MAGI3: variants seen among roughly 807,000 people sequenced by gnomAD.
MAGI3 encodes the protein membrane-associated guanylate kinase, WW and PDZ domain-containing protein 3.
A neutral mutation model predicts 121.8 loss-of-function variants in MAGI3; 43 were observed. That is an observed-to-expected ratio of 0.35 (90% CI 0.28 to 0.46). The LOEUF (loss-of-function observed/expected upper bound fraction) is 0.46. MAGI3 is among the 20% of genes least tolerant of loss of function. The pLI, the probability that MAGI3 is intolerant of heterozygous loss-of-function variation, is 1.00. For synonymous variants in MAGI3, 553 were observed against 639.3 expected (o/e 0.86, Z 2.04); for missense variants, 1,547 against 1,797.3 (o/e 0.86, Z 2.52).
chr1:113,535,630 T>C (rs771983224), intron 1 of MAGI3, among the ~76,000 whole-genome samples: 11 of 152,204 alleles, frequency 7.2e-5, no homozygotes, highest in Non-Finnish European at 1.6e-4. Flanking sequence ...TGCAAGTATA[T>C]GTTAATAGAT....
chr1:113,447,627 G>A (rs1434829131), intron 1 of MAGI3, among the ~76,000 whole-genome samples: 1 of 152,212 alleles, frequency 6.6e-6, no homozygotes, highest in Non-Finnish European at 1.5e-5. Flanking sequence ...GCTGAGGCAG[G>A]TGGATCACCT....
chr1:113,577,289 C>T (rs1459772771), intron 2 of MAGI3, among the ~76,000 whole-genome samples: 5 of 152,170 alleles, frequency 3.3e-5, no homozygotes, highest in African/African-American at 1.2e-4. Flanking sequence ...AAGACTTGGC[C>T]ATTGAGTTCA....
intron 2 of MAGI3, among the ~76,000 whole-genome samples, chr1:113,579,320 G>A (rs1647862846): frequency 6.6e-6 from 1 of 152,192 alleles, no homozygotes; most frequent in African/African-American, 2.4e-5. Context: ...GGGAAAGGGA[G>A]TAGGAAGTCC....
At chr1:113,464,713 C>T (rs1655190282) in intron 1 of MAGI3, among the ~76,000 whole-genome samples, 1 of 152,102 alleles carries the variant, frequency 6.6e-6, no homozygotes, top group Non-Finnish European at 1.5e-5. Context: ...GATGGTATCT[C>T]ATTGTGGTTT....
chr1:113,604,194 A>T (rs925923856), intron 6 of MAGI3, among the ~76,000 whole-genome samples: 1 of 152,222 alleles, frequency 6.6e-6, no homozygotes, highest in African/African-American at 2.4e-5. Context: ...TATGTCTATC[A>T]TAGCATAATT....
chr1:113,444,165 G>A (rs1407268862), intron 1 of MAGI3, among the ~76,000 whole-genome samples: 1 of 152,272 alleles, frequency 6.6e-6, no homozygotes, highest in Non-Finnish European at 1.5e-5. Context: ...GCAGGCAGTT[G>A]TGCCAACAGG....
rs1158145870 is a variant in MAGI3, at chr1:113,599,187, AAAGCTAGCAG to A, written c.1018+4631_1018+4640del. On this transcript the variant is annotated intron_variant, in intron 6 of 20. Transcript: ENST00000307546. ...AGAAAAGCAAGAGCAAACACATTCAAAAGCTAGCAGAAGGCAAGAAATAACTAAATTCAGA... is the reference window on the plus strand; with the variant it reads ...AGAAAAGCAAGAGCAAACACATTCAAAAGGCAAGAAATAACTAAATTCAGA... 3.9e-5 allele frequency among the ~76,000 whole-genome samples: 6 copies of A among 152,308 alleles called. No individual in the cohort carries two copies. In the East Asian group the frequency reaches 1.2e-3, roughly 29 times the overall value.
chr1:113,537,891 G>A (rs1442660662), intron 1 of MAGI3, among the ~76,000 whole-genome samples: 1 of 152,152 alleles, frequency 6.6e-6, no homozygotes, highest in Non-Finnish European at 1.5e-5. Flanking sequence ...ATTGATTAAA[G>A]AGAGATTAGA....
At chr1:113,467,299 A>G (rs1655335062) in intron 1 of MAGI3, among the ~76,000 whole-genome samples, 1 of 152,158 alleles carries the variant, frequency 6.6e-6, no homozygotes, top group Admixed American at 6.6e-5. Flanking sequence ...CATTGTGGTC[A>G]GAAAAGATAC....
At chr1:113,418,074 T>G (rs1362982570) in intron 1 of MAGI3, among the ~76,000 whole-genome samples, 1 of 151,894 alleles carries the variant, frequency 6.6e-6, no homozygotes, top group Non-Finnish European at 1.5e-5. Context: ...GGTTTCAGTC[T>G]TTTGTTTTTG....
intron 1 of MAGI3, among the ~76,000 whole-genome samples, chr1:113,462,657 CAT>C (rs1197537740): frequency 6.6e-6 from 1 of 152,088 alleles, no homozygotes; most frequent in Non-Finnish European, 1.5e-5. Context: ...CCCCTTGACA[CAT>C]GTTTACCTAT....
rs952519462 is a variant in MAGI3, at chr1:113,591,361, G to A, written c.938+703G>A. 2.0e-5 allele frequency among the ~76,000 whole-genome samples: 3 copies of A among 152,186 alleles called. No homozygotes were observed. In the East Asian group the frequency reaches 5.8e-4, roughly 29 times the overall value. The stretch of plus-strand genomic sequence containing the variant: ...TCATCGTAAAGTAATTTGCCCAAAG[G>A]TAGAATATTAATGTAGTAAAGTTAC... On this transcript the variant is annotated intron_variant, in intron 5 of 20. Coordinates refer to ENST00000307546, the MANE Select transcript of MAGI3 (RefSeq NM_001142782.2).
chr1:113,547,431 G>A (rs1324001195), intron 1 of MAGI3, among the ~76,000 whole-genome samples: 2 of 151,840 alleles, frequency 1.3e-5, no homozygotes, highest in Non-Finnish European at 2.9e-5. Flanking sequence ...TTTAGATGTC[G>A]GAGCCTACAT....
At chr1:113,399,875 A>G (rs1483295306) in intron 1 of MAGI3, among the ~76,000 whole-genome samples, 8 of 152,170 alleles carry the variant, frequency 5.3e-5, no homozygotes, top group Admixed American at 5.2e-4. Flanking sequence ...TAAACGAATT[A>G]CTTTCCAAGG....
Position 113,391,072 on chromosome 1 carries a change from C to T in MAGI3, c.39C>T (p.Ser13=). 6.3e-7 allele frequency: 1 copy of T among 1,591,476 alleles called. No individual in the cohort carries two copies. The change falls in exon 1 of 21, where the codon AGC becomes AGT. Residue 13 remains serine (S), a synonymous_variant. Coordinates refer to ENST00000307546, the MANE Select transcript of MAGI3 (RefSeq NM_001142782.2). This position sits in a 1 kb window ranked among gnomAD's most constrained non-coding sequence, Gnocchi z 4.4. The part of the protein sequence containing the change: ...KTLKKKKHWL[S]KVQECAVSWA... The stretch of plus-strand genomic sequence containing the variant: ...TGAAGAAGAAGAAGCACTGGCTCAG[C>T]AAGGTGCAGGAGTGCGCCGTGTCCT...
At chr1:113,583,197 C>G (rs1182529968) in intron 3 of MAGI3, among the ~76,000 whole-genome samples, 1 of 151,522 alleles carries the variant, frequency 6.6e-6, no homozygotes, top group African/African-American at 2.4e-5. Context: ...GCACAACATG[C>G]AGGTTTGTTA....
intron 1 of MAGI3, among the ~76,000 whole-genome samples, chr1:113,415,514 T>C (rs1570639674): frequency 6.6e-6 from 1 of 152,080 alleles, no homozygotes; most frequent in East Asian, 1.9e-4. Flanking sequence ...GATCTTCCTT[T>C]GCCTCTCTTT....
At chr1:113,505,062 GAGA>G (rs1428915834) in intron 1 of MAGI3, among the ~76,000 whole-genome samples, 5 of 152,094 alleles carry the variant, frequency 3.3e-5, no homozygotes, top group Non-Finnish European at 7.4e-5. Flanking sequence ...TGTAGCAAAA[GAGA>G]AGAATTCATA....
At chr1:113,672,342 A>G (rs1222031736) in intron 17 of MAGI3, among the ~76,000 whole-genome samples, 2 of 152,172 alleles carry the variant, frequency 1.3e-5, no homozygotes, top group African/African-American at 4.8e-5. Context: ...CCTCTGGTGT[A>G]GTTATTTGAT....
Sources: allele counts gnomAD v4.1 joint callset (sites outside exome capture counted in the v4.1 genomes callset), GRCh38; gene constraint gnomAD v4.1.1; non-coding constraint Gnocchi (gnomAD v3.1); transcripts MANE v1.5; gene names NCBI Gene and HGNC (gene_info 2026-07-23, HGNC 2026-07-21).